The following IRAK1BP1 variants were observed in gnomAD, a reference collection of about 807,000 sequenced individuals.
IRAK1BP1 encodes interleukin 1 receptor associated kinase 1 binding protein 1.
IRAK1BP1 carries 24 observed loss-of-function variants against 28.0 expected under a neutral mutation model. The ratio of observed to expected loss-of-function variants is 0.86; its 90% CI spans 0.62 to 1.20. The LOEUF (loss-of-function observed/expected upper bound fraction) is 1.20. IRAK1BP1 is among the 50% of genes most tolerant of loss of function. The pLI, the probability that IRAK1BP1 is intolerant of heterozygous loss-of-function variation, is 0.00. For missense variants in IRAK1BP1, 336 were observed against 316.7 expected (o/e 1.06, Z -0.46); for synonymous variants, 131 against 116.3 (o/e 1.13, Z -0.81).
rs780301303 is a variant in IRAK1BP1, at chr6:78,898,349, T to G, written c.*15T>G. 1.4e-6 allele frequency: 2 copies of G among 1,397,824 alleles called. No individual in the cohort carries two copies. The highest frequency in any genetic ancestry group is 3.0e-5 in the African/African-American group (2 of 67,654). The allele number at this position is 1,397,824 out of a possible 1,614,324, so 86.6% of individuals were successfully genotyped here. On this transcript the variant is annotated 3_prime_UTR_variant, in exon 4 of 4. Transcript: ENST00000369940. ...AGCACCTTTGAAATTCCAAACAAATTATATTGTACTTGTATCTTTTTACCT... is the reference window on the plus strand; with the variant it reads ...AGCACCTTTGAAATTCCAAACAAATGATATTGTACTTGTATCTTTTTACCT...
chr6:78,877,975 TAA>T (rs199956154), intron 1 of IRAK1BP1, among the ~76,000 whole-genome samples: 1 of 144,752 alleles, frequency 6.9e-6, no homozygotes, highest in Admixed American at 6.8e-5. Context: ...CTTGAGTAGG[TAA>T]AAAAAAAAAG....
At chr6:78,958,470 C>A in the IRAK1BP1 span, 1 of 1,462,432 alleles carries the variant, frequency 6.8e-7, no homozygotes. Context: ...GAAAAGATAA[C>A]TTACTTTATA....
In IRAK1BP1 at chr6:78,900,683, A is replaced by G. The variant is rs1335670017; in HGVS notation, c.*2349A>G. On this transcript the variant is annotated 3_prime_UTR_variant, in exon 4 of 4. Coordinates refer to ENST00000369940, the MANE Select transcript of IRAK1BP1 (RefSeq NM_001010844.4). Reference sequence around the variant, plus strand: ...TTTGCTGGGAAAATTTACTAGCTGGATAAAAGGCAAGTTACTTTAATCTCT... The same window carrying G: ...TTTGCTGGGAAAATTTACTAGCTGGGTAAAAGGCAAGTTACTTTAATCTCT... The G allele has an allele frequency of 6.6e-6, 1 of 152,250 alleles. No individual in the cohort carries two copies. The highest frequency in any genetic ancestry group is 1.5e-5 in the Non-Finnish European group (1 of 68,050). The allele number at this position is 152,250 out of a possible 1,614,324, so 9.4% of individuals were successfully genotyped here.
At position 78,898,399 on chromosome 6, in the gene IRAK1BP1, A is replaced by T; in HGVS notation, c.*65A>T. The T allele has an allele frequency of 3.1e-6, 1 of 322,024 alleles. No individual in the cohort carries two copies. The highest frequency in any genetic ancestry group is 4.7e-6 in the Non-Finnish European group (1 of 213,190). 19.9% of individuals were successfully genotyped at this position (322,024 alleles called of 1,614,324 possible). On this transcript the variant is annotated 3_prime_UTR_variant, in exon 4 of 4. Transcript: ENST00000369940. ...TATTTTTATACTTTTTATAATGTTT[A>T]CGTTTGTCCTGAATATATATATATA... is the stretch of plus-strand genomic sequence containing the variant.
intron 4 of IRAK1BP1, among the ~76,000 whole-genome samples, chr6:78,923,138 A>G (rs1772787633): frequency 6.6e-6 from 1 of 152,210 alleles, no homozygotes; most frequent in African/African-American, 2.4e-5. Context: ...CAAATTGGAT[A>G]AAGACTCAAG....
At chr6:78,969,375 A>C in the IRAK1BP1 span, among the ~76,000 whole-genome samples, 1 of 152,182 alleles carries the variant, frequency 6.6e-6, no homozygotes, top group African/African-American at 2.4e-5. Flanking sequence ...ATGTAAATTA[A>C]TGCACCTTAA....
chr6:78,935,013 A>C (rs1773216882), intron 4 of IRAK1BP1, among the ~76,000 whole-genome samples: 1 of 152,186 alleles, frequency 6.6e-6, no homozygotes, highest in Non-Finnish European at 1.5e-5. Context: ...CAAGGAACAG[A>C]GGTTTTGTGC....
chr6:78,896,188 C>G (rs539148462), intron 2 of IRAK1BP1, among the ~76,000 whole-genome samples: 2 of 152,184 alleles, frequency 1.3e-5, no homozygotes, highest in South Asian at 4.1e-4. Flanking sequence ...CAATCCTAAT[C>G]AAAATCTCAG....
At chr6:78,960,314 A>G in the IRAK1BP1 span, among the ~76,000 whole-genome samples, 1 of 152,186 alleles carries the variant, frequency 6.6e-6, no homozygotes, top group African/African-American at 2.4e-5. Context: ...CAGTCCAACA[A>G]TTAGTGTATG....
the IRAK1BP1 span, chr6:78,970,311 T>G: frequency 1.5e-6 from 1 of 665,164 alleles, no homozygotes; most frequent in Admixed American, 3.0e-5. Flanking sequence ...AAAAATTCAC[T>G]GAGCTCTGTA....
Position 78,867,759 on chromosome 6 carries a change from G to C in IRAK1BP1, c.183G>C (p.Val61=), listed in dbSNP as rs1770631192. The change falls in exon 1 of 4, where the codon GTG becomes GTC. Residue 61 remains valine, a synonymous_variant. Transcript: ENST00000369940. ...TGCAAGTAAGCGGCACCTCAGAAGT[G>C]TCTGCGGGCCCTGACCGGGCGCAGG... ...REVQVSGTSE[V]SAGPDRAQVV... 6.2e-7 allele frequency: 1 copy of C among 1,614,180 alleles called. No homozygotes were observed. The highest frequency in any genetic ancestry group is 1.3e-5 in the African/African-American group (1 of 75,068).
At chr6:78,878,957 AAAT>A (rs1320364734) in intron 1 of IRAK1BP1, among the ~76,000 whole-genome samples, 1 of 152,202 alleles carries the variant, frequency 6.6e-6, no homozygotes, top group East Asian at 1.9e-4. Context: ...AAAAGAGTAA[AAAT>A]AAACGAACAA....
the IRAK1BP1 span, chr6:78,955,708 G>A: frequency 1.3e-6 from 1 of 752,432 alleles, no homozygotes; most frequent in South Asian, 1.8e-5. Flanking sequence ...ATGTTAACAT[G>A]TAAGATTAGA....
chr6:78,904,362 T>TGCCACTGAGGGC (rs1772205823), downstream of IRAK1BP1, among the ~76,000 whole-genome samples: 1 of 152,160 alleles, frequency 6.6e-6, no homozygotes, highest in Non-Finnish European at 1.5e-5. Context: ...TGAGGGTGAT[T>TGCCACTGAGGGC]ACCACTTAAG....
At chr6:78,970,042 T>C in the IRAK1BP1 span, 5 of 1,613,252 alleles carry the variant, frequency 3.1e-6, no homozygotes, top group Non-Finnish European at 2.5e-6. Context: ...CTTTCAACAG[T>C]CCTTACTTCA....
the IRAK1BP1 span, among the ~76,000 whole-genome samples, chr6:78,971,554 T>A: frequency 2.0e-5 from 3 of 152,162 alleles, no homozygotes; most frequent in Admixed American, 6.5e-5. Flanking sequence ...ACAGCTCCGG[T>A]CTACAGCTCC....
chr6:78,897,923 A>G lies in IRAK1BP1; in HGVS notation c.476A>G (p.Gln159Arg). ...LDSSVVISPP[Q>R]FYHTPGSVEN... ...AGCTCTGTTGTCATCAGCCCACCCC[A>G]GTTCTATCATACTCCAGGTTCTGTT... Residue 159 changes from glutamine (Q) to arginine (R), a missense_variant, in exon 3 of 4, where the codon CAG (glutamine) becomes CGG (arginine). Gln to Arg is a conservative substitution (Grantham distance 43). Coordinates refer to ENST00000369940, the MANE Select transcript of IRAK1BP1 (RefSeq NM_001010844.4). 1 of 1,614,042 alleles carries G rather than the reference A, an allele frequency of 6.2e-7. No homozygotes were observed. Among genetic ancestry groups the G allele is most frequent in the African/African-American group, 1.3e-5 (1 of 75,060 alleles).
intron 4 of IRAK1BP1, chr6:78,940,990 T>G: frequency 1.2e-6 from 2 of 1,614,080 alleles, no homozygotes; most frequent in Non-Finnish European, 1.7e-6. Context: ...CATCTAATTT[T>G]TGTGTCTTCA....
At chr6:78,935,528 T>G (rs534020480) in intron 4 of IRAK1BP1, 1 of 974,902 alleles carries the variant, frequency 1.0e-6, no homozygotes, top group South Asian at 4.7e-5. Flanking sequence ...TACGAAAGTA[T>G]CTGAATAGTG....
Sources: allele counts gnomAD v4.1 joint callset (sites outside exome capture counted in the v4.1 genomes callset), GRCh38; gene constraint gnomAD v4.1.1; transcripts MANE v1.5; gene names NCBI Gene and HGNC (gene_info 2026-07-23, HGNC 2026-07-21).